Variants in PIK3C3 observed in about 807,000 individuals in gnomAD.
PIK3C3 encodes the protein phosphatidylinositol 3-kinase catalytic subunit type 3.
PIK3C3 carries 95 observed loss-of-function variants against 126.1 expected under a neutral mutation model. The observed-to-expected ratio is 0.75, with a 90% CI of 0.64 to 0.89. The LOEUF (loss-of-function observed/expected upper bound fraction) is 0.89, where lower values mean the gene tolerates loss of function less well. Among genes scored for constraint, PIK3C3 ranks in the 40% least tolerant of loss-of-function variants. PIK3C3 has a pLI of 0.00. For missense variants in PIK3C3, 829 were observed against 1,063.2 expected (o/e 0.78, Z 3.06); for synonymous variants, 374 against 360.0 (o/e 1.04, Z -0.44).
chr18:42,031,440 A>G (rs1379128644), intron 15 of PIK3C3, among the ~76,000 whole-genome samples: 9 of 152,020 alleles, frequency 5.9e-5, no homozygotes. Flanking sequence ...TTTTTGAGAC[A>G]TAGTCTTGCT....
chr18:42,063,865 A>G (rs1985425514), intron 22 of PIK3C3, among the ~76,000 whole-genome samples: 1 of 152,150 alleles, frequency 6.6e-6, no homozygotes, highest in African/African-American at 2.4e-5. Context: ...TGAAACAGCT[A>G]AAACCCTTCA....
chr18:41,966,177 CTTTTTTTTTTTTT>C lies in PIK3C3; in HGVS notation c.401+3556_401+3568del, dbSNP rs10539758. On this transcript the variant is annotated intron_variant, in intron 3 of 24. Coordinates refer to ENST00000262039, the MANE Select transcript of PIK3C3 (RefSeq NM_002647.4). Reference sequence around the variant, plus strand: ...TATCTCTTTGCTAAGTATATTGTTCCTTTTTTTTTTTTTTTTTTTTTTTGAGATGGATTCTCTG... The same window carrying C: ...TATCTCTTTGCTAAGTATATTGTTCCTTTTTTTTTTGAGATGGATTCTCTG... Among the ~76,000 whole-genome samples the C allele has an allele frequency of 4.2e-3, 477 of 112,582 alleles. 1 individual carries two copies. Among genetic ancestry groups the C allele is most frequent in the Non-Finnish European group, 6.2e-3 (356 of 57,574 alleles). 73.9% of individuals were successfully genotyped at this position (112,582 alleles called of 152,430 possible).
chr18:42,067,426 G>A lies in PIK3C3; in HGVS notation c.2562G>A (p.Glu854=), dbSNP rs765496884. 6.2e-7 allele frequency: 1 copy of A among 1,613,980 alleles called. No individual in the cohort carries two copies. Among genetic ancestry groups the A allele is most frequent in the South Asian group, 1.1e-5 (1 of 91,080 alleles). ...TCCGCTTAGACCTGTCGGATGAAGA[G>A]GCTGTGCATTACATGCAGAGTCTGA... is the stretch of plus-strand genomic sequence containing the variant. The part of the protein sequence containing the change: ...DKFRLDLSDE[E]AVHYMQSLID... Residue 854 remains glutamate, a synonymous_variant, in exon 24 of 25, where the codon GAG becomes GAA. Coordinates refer to ENST00000262039, the MANE Select transcript of PIK3C3 (RefSeq NM_002647.4).
intron 18 of PIK3C3, among the ~76,000 whole-genome samples, chr18:42,040,156 C>CTTTTTTTTTTT (rs55821466): frequency 5.4e-5 from 6 of 110,550 alleles, no homozygotes; most frequent in Non-Finnish European, 8.8e-5. Flanking sequence ...GTCCCCTTTC[C>CTTTTTTTTTTT]TTTTTTTTTT....
chr18:42,033,978 A>G lies in PIK3C3; in HGVS notation c.1839+21A>G, dbSNP rs185956147. The G allele has an allele frequency of 3.9e-4, 608 of 1,542,498 alleles. 7 individuals carry two copies. In the East Asian group the frequency reaches 0.013, roughly 33 times the overall value. On this transcript the variant is annotated intron_variant, in intron 16 of 24. Coordinates refer to ENST00000262039, the MANE Select transcript of PIK3C3 (RefSeq NM_002647.4). ...TTAAAGTAATTGTGATGGATATTTAATGTGTATGATTGGAACCTAATTCTT... is the reference window on the plus strand; with the variant it reads ...TTAAAGTAATTGTGATGGATATTTAGTGTGTATGATTGGAACCTAATTCTT...
chr18:42,063,518 A>T (rs1398303550), intron 22 of PIK3C3, among the ~76,000 whole-genome samples: 1 of 152,186 alleles, frequency 6.6e-6, no homozygotes, highest in African/African-American at 2.4e-5. Context: ...TGTTCCTAAG[A>T]GTTTAAGTGG....
intron 22 of PIK3C3, 67 bp from the exon 23 acceptor site, chr18:42,064,673 C>T: frequency 1.3e-6 from 1 of 768,192 alleles, no homozygotes; most frequent in Admixed American, 2.1e-5. Flanking sequence ...CTAAAGTATT[C>T]TTAATATGAG....
intron 7 of PIK3C3, among the ~76,000 whole-genome samples, chr18:41,994,318 AATTTT>A (rs1364798527): frequency 6.6e-6 from 1 of 152,214 alleles, no homozygotes; most frequent in African/African-American, 2.4e-5. Flanking sequence ...ATTGGCACTG[AATTTT>A]CAGTATAAAA....
chr18:42,081,112 A>C lies in PIK3C3; in HGVS notation c.2650-11A>C. On this transcript the variant is annotated splice_polypyrimidine_tract_variant and intron_variant, in intron 24 of 24. Transcript: ENST00000262039. ...AATTATTTTCTGTTTATTTCTTTTT[A>C]ATTTTTGTAGTACTGGAGAAAATGA... The C allele has an allele frequency of 1.3e-6, 2 of 1,498,044 alleles. No homozygotes were observed. The highest frequency in any genetic ancestry group is 2.8e-5 in the African/African-American group (2 of 72,158). The allele number at this position is 1,498,044 out of a possible 1,614,324, so 92.8% of individuals were successfully genotyped here. A position where few individuals can be genotyped will look rare whatever the true frequency, so the allele number is the denominator to read the frequency against.
chr18:42,062,254 T>TA (rs397963928), intron 22 of PIK3C3, among the ~76,000 whole-genome samples: 5 of 151,418 alleles, frequency 3.3e-5, no homozygotes, highest in Admixed American at 1.3e-4. Flanking sequence ...TTTTTTTTTT[T>TA]ATAATATGTA....
At chr18:41,959,218 G>A (rs1979951112) in intron 2 of PIK3C3, among the ~76,000 whole-genome samples, 1 of 152,192 alleles carries the variant, frequency 6.6e-6, no homozygotes, top group South Asian at 2.1e-4. Context: ...AAGGAAAAAT[G>A]TATAGTGGCT....
intron 12 of PIK3C3, among the ~76,000 whole-genome samples, chr18:42,016,837 GTT>G (rs2144410561): frequency 6.6e-6 from 1 of 152,040 alleles, no homozygotes; most frequent in African/African-American, 2.4e-5. Flanking sequence ...GTCCGAATGA[GTT>G]TTCCATATTG....
At chr18:42,027,029 T>A (rs1240184027) in intron 13 of PIK3C3, 1 of 151,794 alleles carries the variant, frequency 6.6e-6, no homozygotes, top group African/African-American at 2.4e-5. Flanking sequence ...TTCAGAGAGG[T>A]TTTCAGAATA....
chr18:42,002,225 G>T (rs1420263639), intron 9 of PIK3C3, among the ~76,000 whole-genome samples: 1 of 152,096 alleles, frequency 6.6e-6, no homozygotes, highest in Non-Finnish European at 1.5e-5. Flanking sequence ...AGAGTATATG[G>T]GAGGAATGTA....
chr18:42,076,109 T>TATATATGCAC (rs1985976865), intron 24 of PIK3C3, among the ~76,000 whole-genome samples: 1 of 78,966 alleles, frequency 1.3e-5, no homozygotes, highest in Non-Finnish European at 2.5e-5. Context: ...TATATATATA[T>TATATATGCAC]ATATATATAT....
In PIK3C3 at chr18:42,020,852, AC is replaced by A. The variant is rs1301507119; in HGVS notation, c.1484+148del. 3.9e-5 allele frequency: 22 copies of A among 559,416 alleles called. No individual in the cohort carries two copies. In the African/African-American group the frequency reaches 4.1e-4, roughly 10 times the overall value. 34.7% of individuals were successfully genotyped at this position (559,416 alleles called of 1,614,324 possible). A position where few individuals can be genotyped will look rare whatever the true frequency, so the allele number is the denominator to read the frequency against. ...TATTTATATCTAACTGTATTCCCTGACAGCTGGGTTCATGGAAATGCTTGTT... is the reference window on the plus strand; with the variant it reads ...TATTTATATCTAACTGTATTCCCTGAAGCTGGGTTCATGGAAATGCTTGTT... On this transcript the variant is annotated intron_variant, in intron 13 of 24. Coordinates refer to ENST00000262039, the MANE Select transcript of PIK3C3 (RefSeq NM_002647.4).
At chr18:41,971,213 A>G (rs1168827588) in intron 4 of PIK3C3, 1 of 152,142 alleles carries the variant, frequency 6.6e-6, no homozygotes, top group African/African-American at 2.4e-5. Flanking sequence ...TCTGATTAGG[A>G]CACTTTCTTG....
rs760487150 is a variant in PIK3C3 at position 42,057,989 on chromosome 18, A to C, written c.2370A>C (p.Thr790=). The part of the protein sequence containing the change: ...NKEMVEGMGG[T]QSEQYQEFRK... ...AAATGGTAGAAGGAATGGGGGGCAC[A>C]CAGAGTGAGCAGTACCAAGAGTTCC... is the stretch of plus-strand genomic sequence containing the variant. The change falls in exon 22 of 25, where the codon ACA becomes ACC. Residue 790 remains threonine (T), a synonymous_variant. Transcript: ENST00000262039. The C allele has an allele frequency of 1.2e-6, 2 of 1,613,642 alleles. No homozygotes were observed. Among genetic ancestry groups the C allele is most frequent in the Non-Finnish European group, 1.7e-6 (2 of 1,179,758 alleles).
intron 24 of PIK3C3, among the ~76,000 whole-genome samples, chr18:42,073,077 T>C (rs1266468956): frequency 6.6e-6 from 1 of 152,206 alleles, no homozygotes; most frequent in African/African-American, 2.4e-5. Context: ...AATTAAATCT[T>C]GGCAGATTAA....
Sources: allele counts gnomAD v4.1 joint callset (sites outside exome capture counted in the v4.1 genomes callset), GRCh38; gene constraint gnomAD v4.1.1; transcripts MANE v1.5; gene names NCBI Gene and HGNC (gene_info 2026-07-23, HGNC 2026-07-21).